The following HSPBAP1 variants were observed in gnomAD, a reference collection of about 807,000 sequenced individuals.
The protein encoded by HSPBAP1 is HSPB1-associated protein 1.
In HSPBAP1, 27 loss-of-function variants were observed where a neutral mutation model predicts 45.2. The observed-to-expected ratio is 0.60, with a 90% CI of 0.44 to 0.82. The LOEUF is 0.82. HSPBAP1 is among the 40% of genes least tolerant of loss of function. The pLI, the probability that HSPBAP1 is intolerant of heterozygous loss-of-function variation, is 0.00. For synonymous variants in HSPBAP1, 204 were observed against 202.7 expected (o/e 1.01, Z -0.06); for missense variants, 510 against 590.9 (o/e 0.86, Z 1.42).
intron 3 of HSPBAP1, among the ~76,000 whole-genome samples, chr3:122,760,503 A>T (rs1934536791): frequency 6.6e-6 from 1 of 151,896 alleles, no homozygotes; most frequent in African/African-American, 2.4e-5. Context: ...GATTTTAAAG[A>T]GAAATTTAAT....
chr3:122,783,117 C>T (rs1326825911), intron 1 of HSPBAP1, among the ~76,000 whole-genome samples: 2 of 152,180 alleles, frequency 1.3e-5, no homozygotes, highest in African/African-American at 2.4e-5. Flanking sequence ...AGAGAAGGCA[C>T]CCTTGGTCTC....
At chr3:122,761,721 A>C (rs1212485061) in intron 3 of HSPBAP1, 1 of 149,632 alleles carries the variant, frequency 6.7e-6, no homozygotes, top group African/African-American at 2.5e-5. Context: ...TGGGAGGTCA[A>C]GGCTTCAGGG....
intron 2 of HSPBAP1, 58 bp from the exon 3 acceptor site, chr3:122,768,940 T>C: frequency 1.0e-6 from 1 of 963,842 alleles, no homozygotes; most frequent in Non-Finnish European, 1.5e-6. Flanking sequence ...CTAATTATTG[T>C]TTTTTTTTTA....
intron 7 of HSPBAP1, 48 bp downstream of exon 7, chr3:122,740,955 T>C (rs373484933): frequency 1.2e-5 from 20 of 1,607,906 alleles, no homozygotes; most frequent in Non-Finnish European, 1.7e-5. Flanking sequence ...TCAGGGCTGG[T>C]TTACCACAGG....
chr3:122,740,213 T>A lies in HSPBAP1; in HGVS notation c.*132A>T. On this transcript the variant is annotated 3_prime_UTR_variant, in exon 8 of 8. Transcript: ENST00000306103. The stretch of plus-strand genomic sequence containing the variant: ...GAAAGAAGGTGGCAACAGACTGACA[T>A]GTAATTCGGTAAGGATAAATACATT... 1.9e-6 allele frequency: 1 copy of A among 526,468 alleles called. No individual in the cohort carries two copies. Among genetic ancestry groups the A allele is most frequent in the South Asian group, 4.7e-5 (1 of 21,460 alleles). The allele number at this position is 526,468 out of a possible 1,614,324, so 32.6% of individuals were successfully genotyped here. A position where few individuals can be genotyped will look rare whatever the true frequency, so the allele number is the denominator to read the frequency against.
intron 5 of HSPBAP1, chr3:122,753,848 G>C: frequency 2.0e-6 from 2 of 984,650 alleles, no homozygotes; most frequent in South Asian, 9.4e-5. Context: ...AGAATGGATA[G>C]GATGTAAGGA....
In HSPBAP1 at chr3:122,782,177, A is replaced by G. The variant is rs573762620; in HGVS notation, c.65-4271T>C. Among the ~76,000 whole-genome samples the G allele has an allele frequency of 2.0e-5, 3 of 152,338 alleles. No individual in the cohort carries two copies. The East Asian group carries it at 5.8e-4, about 29-fold the overall frequency. ...ACTCTTGAACAACTAGAGTTGCTGG[A>G]GTCAGTCACAATTCTACTCGTTATA... On this transcript the variant is annotated intron_variant, in intron 1 of 7. Coordinates refer to ENST00000306103, the MANE Select transcript of HSPBAP1 (RefSeq NM_024610.6).
intron 6 of HSPBAP1, among the ~76,000 whole-genome samples, chr3:122,751,378 C>T (rs1264759942): frequency 6.6e-6 from 1 of 152,102 alleles, no homozygotes; most frequent in East Asian, 1.9e-4. Context: ...AAGTAATTAT[C>T]TATGTTAGAC....
intron 6 of HSPBAP1, among the ~76,000 whole-genome samples, chr3:122,743,985 C>G (rs1933760873): frequency 1.3e-5 from 2 of 151,980 alleles, no homozygotes; most frequent in South Asian, 4.2e-4. Flanking sequence ...TGCACTCCAG[C>G]CTGGGCAACA....
chr3:122,777,403 ATATT>A (rs199816648), intron 2 of HSPBAP1, among the ~76,000 whole-genome samples: 13 of 152,272 alleles, frequency 8.5e-5, no homozygotes, highest in African/African-American at 1.4e-4. Flanking sequence ...ACATTAACAA[ATATT>A]TATTTATTAA....
intron 6 of HSPBAP1, among the ~76,000 whole-genome samples, chr3:122,742,188 T>C (rs1006528949): frequency 6.7e-6 from 1 of 149,722 alleles, no homozygotes; most frequent in African/African-American, 2.4e-5. Flanking sequence ...CATATATTAA[T>C]ATATGAATAG....
intron 5 of HSPBAP1, chr3:122,754,539 T>C (rs990338432): frequency 1.0e-6 from 1 of 985,110 alleles, no homozygotes; most frequent in Non-Finnish European, 1.2e-6. Context: ...ATTGTTTGAG[T>C]TGATAGTACT....
chr3:122,779,983 C>T (rs1326386272), intron 1 of HSPBAP1, among the ~76,000 whole-genome samples: 13 of 152,234 alleles, frequency 8.5e-5, no homozygotes, highest in South Asian at 2.1e-4. Context: ...TCCACAAAAC[C>T]GCCATTGTCA....
chr3:122,791,894 G>T (rs2107547961), intron 1 of HSPBAP1, among the ~76,000 whole-genome samples: 1 of 152,224 alleles, frequency 6.6e-6, no homozygotes, highest in East Asian at 1.9e-4. Context: ...GTCACTTTTT[G>T]CTGCAGAGTG....
chr3:122,760,504 G>T (rs1934536899), intron 3 of HSPBAP1, among the ~76,000 whole-genome samples: 1 of 151,600 alleles, frequency 6.6e-6, no homozygotes, highest in African/African-American at 2.4e-5. Context: ...ATTTTAAAGA[G>T]AAATTTAATG....
chr3:122,755,150 C>A (rs1430708976), intron 5 of HSPBAP1, 110 bp downstream of exon 5: 12 of 1,214,906 alleles, frequency 9.9e-6, no homozygotes, highest in Non-Finnish European at 1.1e-5. Flanking sequence ...GGGAAGGAAG[C>A]CATTCTCATT....
chr3:122,781,111 T>C (rs1474864346), intron 1 of HSPBAP1, among the ~76,000 whole-genome samples: 3 of 128,870 alleles, frequency 2.3e-5, no homozygotes, highest in Non-Finnish European at 3.3e-5. Flanking sequence ...TCCCAGACGA[T>C]GGGCGGCCAG....
rs1331489053 is a variant in HSPBAP1, at chr3:122,793,821, C to G, written c.-141G>C. Reference sequence around the variant, plus strand: ...CTCCCGCCCGGCTCCTACGGAAACGCCGGCTCTCACGTGGAGGTCACGTGA... The same window carrying G: ...CTCCCGCCCGGCTCCTACGGAAACGGCGGCTCTCACGTGGAGGTCACGTGA... On this transcript the variant is annotated 5_prime_UTR_variant, in exon 1 of 8. Transcript: ENST00000306103. The G allele has an allele frequency of 1.5e-6, 1 of 684,066 alleles. No individual in the cohort carries two copies. Among genetic ancestry groups the G allele is most frequent in the Non-Finnish European group, 2.5e-6 (1 of 402,722 alleles). The allele number at this position is 684,066 out of a possible 1,614,324, so 42.4% of individuals were successfully genotyped here.
chr3:122,764,532 CTAATA>C (rs1274262140), intron 3 of HSPBAP1, among the ~76,000 whole-genome samples: 1 of 152,170 alleles, frequency 6.6e-6, no homozygotes, highest in African/African-American at 2.4e-5. Context: ...GATAAACATA[CTAATA>C]TGATTGGAAA....
Sources: gnomAD v4.1 joint callset for allele counts (sites outside exome capture counted in the v4.1 genomes callset) on GRCh38, gnomAD v4.1.1 for gene constraint, MANE v1.5 for transcripts, NCBI Gene and HGNC (gene_info 2026-07-23, HGNC 2026-07-21) for gene names.